Variants in ADGRE3 observed in about 807,000 individuals in gnomAD.
ADGRE3 encodes the protein adhesion G protein-coupled receptor E3.
Under a neutral mutation model 80.1 loss-of-function variants are expected in ADGRE3, and 88 were observed. The observed-to-expected ratio is 1.10, with a 90% confidence interval of 0.93 to 1.31. ADGRE3 has a LOEUF of 1.31. ADGRE3 is among the 40% of genes most tolerant of loss of function. ADGRE3 has a pLI of 0.00. For missense variants in ADGRE3, 715 were observed against 776.5 expected, an observed-to-expected ratio of 0.92 and a Z score of 0.94; for synonymous variants, 281 against 294.8, an observed-to-expected ratio of 0.95 and a Z score of 0.48.
At chr19:14,668,139 T>G (rs1450485445) in intron 2 of ADGRE3, among the ~76,000 whole-genome samples, 2 of 152,076 alleles carry the variant, frequency 1.3e-5, no homozygotes, top group Middle Eastern at 3.2e-3. Flanking sequence ...TAGTCCCAGC[T>G]ACTCGGGAGG....
intron 6 of ADGRE3, among the ~76,000 whole-genome samples, chr19:14,653,749 C>A (rs1971669574): frequency 6.6e-6 from 1 of 151,756 alleles, no homozygotes; most frequent in African/African-American, 2.4e-5. Context: ...ATATTATCCT[C>A]ATTTTATTGA....
intron 2 of ADGRE3, 40 bp from the exon 3 acceptor site, chr19:14,663,580 A>G: frequency 6.3e-7 from 1 of 1,593,646 alleles, no homozygotes; most frequent in Non-Finnish European, 8.6e-7. Flanking sequence ...GACTGGGGTC[A>G]CAAACTCTCC....
At chr19:14,645,800 C>G (rs949326346) in intron 8 of ADGRE3, among the ~76,000 whole-genome samples, 2 of 152,030 alleles carry the variant, frequency 1.3e-5, no homozygotes, top group East Asian at 1.9e-4. Context: ...TATGAGTCCC[C>G]CTCTCTACCA....
chr19:14,673,038 T>TCC (rs1456221112), intron 1 of ADGRE3, among the ~76,000 whole-genome samples: 1 of 152,044 alleles, frequency 6.6e-6, no homozygotes, highest in Non-Finnish European at 1.5e-5. Flanking sequence ...TGTGGAGGAC[T>TCC]CTGTCTCCAG....
chr19:14,600,485 T>G, the ADGRE3 span, among the ~76,000 whole-genome samples: 2 of 152,226 alleles, frequency 1.3e-5, no homozygotes, highest in Non-Finnish European at 2.9e-5. Context: ...TGTTTCAGGT[T>G]GCATTCCAAA....
At chr19:14,610,854 G>T in the ADGRE3 span, 1 of 152,048 alleles carries the variant, frequency 6.6e-6, no homozygotes, top group African/African-American at 2.4e-5. Flanking sequence ...TAGAGATGAG[G>T]TCTCACTCTG....
chr19:14,666,965 C>A lies in ADGRE3; in HGVS notation c.76+1837G>T, dbSNP rs79202822. ...CACCCAGAACCTCAGGATATGACTTCATTTGGAAACAGGGTCTGTACAGAT... is the reference window on the plus strand; with the variant it reads ...CACCCAGAACCTCAGGATATGACTTAATTTGGAAACAGGGTCTGTACAGAT... On this transcript the variant is annotated intron_variant, in intron 2 of 15. Coordinates refer to ENST00000253673, the MANE Select transcript of ADGRE3 (RefSeq NM_032571.5). Among the ~76,000 whole-genome samples the A allele has an allele frequency of 7.5e-3, 1,145 of 152,256 alleles. 8 individuals carry two copies. Among genetic ancestry groups the A allele is most frequent in the African/African-American group, 0.026 (1,084 of 41,552 alleles).
downstream of ADGRE3, among the ~76,000 whole-genome samples, chr19:14,617,337 CCTCCCTTT>C (rs1297191085): frequency 2.9e-5 from 1 of 34,368 alleles, no homozygotes; most frequent in African/African-American, 8.0e-5. Context: ...TCCCTCCCTC[CCTCCCTTT>C]CTTTCTTTCT....
intron 2 of ADGRE3, among the ~76,000 whole-genome samples, chr19:14,666,610 C>T (rs1302197333): frequency 6.6e-6 from 1 of 152,176 alleles, no homozygotes; most frequent in Non-Finnish European, 1.5e-5. Context: ...CTCCTGACTT[C>T]AAGTGATCCA....
chr19:14,673,910 G>C (rs1000306271), intron 1 of ADGRE3, among the ~76,000 whole-genome samples: 1 of 151,930 alleles, frequency 6.6e-6, no homozygotes, highest in African/African-American at 2.4e-5. Context: ...AGTCTTCATC[G>C]TCTATCATTC....
In ADGRE3 at chr19:14,644,284, A is replaced by G; in HGVS notation, c.883-9T>C. The G allele has an allele frequency of 6.7e-7, 1 of 1,485,324 alleles. No individual in the cohort carries two copies. 92.0% of individuals were successfully genotyped at this position (1,485,324 alleles called of 1,614,324 possible). A position where few individuals can be genotyped will look rare whatever the true frequency, so the allele number is the denominator to read the frequency against. On this transcript the variant is annotated splice_polypyrimidine_tract_variant and intron_variant, in intron 8 of 15. Transcript: ENST00000253673. ...TTGGTACTGGGGGTCATCTGAAAAT[A>G]GAAAATAGAAAGGGCTCATTGTCTT...
Position 14,620,568 on chromosome 19 carries a change from A to ATAT in ADGRE3, c.1921-1098_1921-1097insATA, listed in dbSNP as rs1435435269. Among the ~76,000 whole-genome samples, 7 of 11,054 alleles carry ATAT rather than the reference A, an allele frequency of 6.3e-4. 1 individual carries two copies. Among genetic ancestry groups the ATAT allele is most frequent in the East Asian group, 2.9e-3 (1 of 342 alleles). The allele number at this position is 11,054 out of a possible 152,430, so 7.3% of individuals were successfully genotyped here. ...ATATATTATATATATATATATATATATTTTTTTTTTTTTTTTTTTTTTTTT... is the reference window on the plus strand; with the variant it reads ...ATATATTATATATATATATATATATATATTTTTTTTTTTTTTTTTTTTTTTTTT... On this transcript the variant is annotated intron_variant, in intron 15 of 15. Coordinates refer to ENST00000253673, the MANE Select transcript of ADGRE3 (RefSeq NM_032571.5).
chr19:14,661,912 C>CA, intron 4 of ADGRE3, 51 bp downstream of exon 4: 1 of 1,589,786 alleles, frequency 6.3e-7, no homozygotes, highest in Admixed American at 1.7e-5. Context: ...AACAAACAAA[C>CA]AAAAAAACAA....
At chr19:14,655,340 C>T (rs1022076417) in intron 5 of ADGRE3, among the ~76,000 whole-genome samples, 175 bp from the exon 6 acceptor site, 1 of 152,164 alleles carries the variant, frequency 6.6e-6, no homozygotes, top group Non-Finnish European at 1.5e-5. Flanking sequence ...CTCAATCACT[C>T]TGTGCCCCAC....
At chr19:14,605,706 G>A in the ADGRE3 span, among the ~76,000 whole-genome samples, 1 of 151,928 alleles carries the variant, frequency 6.6e-6, no homozygotes, top group Admixed American at 6.6e-5. Context: ...TTTTATCTCT[G>A]TCATAAGTCC....
chr19:14,649,329 C>T (rs1971514247), intron 7 of ADGRE3, among the ~76,000 whole-genome samples: 2 of 119,606 alleles, frequency 1.7e-5, no homozygotes, highest in Admixed American at 8.8e-5. Context: ...TTTTGATCTC[C>T]CTCTGCCCAT....
chr19:14,638,244 G>A lies in ADGRE3; in HGVS notation c.1345C>T (p.Arg449Trp), dbSNP rs149794291. ...GAGTAGTTGACCACTGTCAGGTTCC[G>A]TGCAGTGAGGAAGAGGTGCACACCC... is the stretch of plus-strand genomic sequence containing the variant. The part of the protein sequence containing the change: ...LEGVHLFLTA[R>W]NLTVVNYSSI... The change falls in exon 11 of 16, where the codon CGG becomes TGG. Residue 449 changes from arginine to tryptophan, a missense_variant. By Grantham distance (101) the Arg-to-Trp change is moderately radical. Transcript: ENST00000253673. 727 of 1,614,068 alleles carry A rather than the reference G, an allele frequency of 4.5e-4. 1 individual carries two copies. The highest frequency in any genetic ancestry group is 5.8e-4 in the Non-Finnish European group (680 of 1,179,946).
chr19:14,673,660 G>A (rs534005925), intron 1 of ADGRE3, among the ~76,000 whole-genome samples: 3 of 152,304 alleles, frequency 2.0e-5, no homozygotes, highest in African/African-American at 7.2e-5. Context: ...GATACCCCAT[G>A]AGCATACTGA....
chr19:14,640,835 GCTT>G (rs1971227029), intron 10 of ADGRE3, among the ~76,000 whole-genome samples: 1 of 152,148 alleles, frequency 6.6e-6, no homozygotes, highest in Non-Finnish European at 1.5e-5. Flanking sequence ...AGGGGTTTCT[GCTT>G]TTGGATCTTC....
Sources: gnomAD v4.1 joint callset for allele counts (sites outside exome capture counted in the v4.1 genomes callset) on GRCh38, gnomAD v4.1.1 for gene constraint, MANE v1.5 for transcripts, NCBI Gene and HGNC (gene_info 2026-07-23, HGNC 2026-07-21) for gene names.